Variants in PDGFD observed in about 807,000 individuals in gnomAD.
PDGFD encodes platelet-derived growth factor D.
In PDGFD, 30 loss-of-function variants were observed where a neutral mutation model predicts 44.7. The ratio of observed to expected loss-of-function variants is 0.67; its 90% confidence interval spans 0.50 to 0.91. The LOEUF is 0.91. PDGFD is among the 40% of genes least tolerant of loss of function. The pLI, the probability that PDGFD is intolerant of heterozygous loss-of-function variation, is 0.00. For missense variants in PDGFD, 445 were observed against 457.8 expected, an observed-to-expected ratio of 0.97 and a Z score of 0.25; for synonymous variants, 173 against 168.4, an observed-to-expected ratio of 1.03 and a Z score of -0.21.
In PDGFD at chr11:104,082,048, T is replaced by C. The variant is rs1349559625; in HGVS notation, c.124+81756A>G. Reference sequence around the variant, plus strand: ...CCCAAAGTTTTGTTCTTTATAGAGGTGCCAGTTATTGCCAATTTCTTCCCA... The same window carrying C: ...CCCAAAGTTTTGTTCTTTATAGAGGCGCCAGTTATTGCCAATTTCTTCCCA... On this transcript the variant is annotated intron_variant, in intron 1 of 6. Coordinates refer to ENST00000393158, the MANE Select transcript of PDGFD (RefSeq NM_025208.5). Among the ~76,000 whole-genome samples, 4 of 150,322 alleles carry C rather than the reference T, an allele frequency of 2.7e-5. No homozygotes were observed. The Admixed American group carries it at 2.7e-4, about 10-fold the overall frequency.
chr11:104,113,430 G>A (rs1861589867), intron 1 of PDGFD, among the ~76,000 whole-genome samples: 2 of 152,056 alleles, frequency 1.3e-5, no homozygotes, highest in South Asian at 2.1e-4. Context: ...TAGGAGGGTG[G>A]ACAGTGAAAA....
intron 1 of PDGFD, among the ~76,000 whole-genome samples, chr11:104,127,857 C>G (rs1861861888): frequency 6.6e-6 from 1 of 152,152 alleles, no homozygotes; most frequent in African/African-American, 2.4e-5. Context: ...CTTCTCTTAG[C>G]TGACAGCACT....
rs529869102 is a variant in PDGFD, at chr11:103,907,331, C to T, written c.*2363G>A. ...ACTCTACTTATGAAAGTGTTTTGCC[C>T]TATAAGAACATATTCAATAAAAGGC... On this transcript the variant is annotated 3_prime_UTR_variant, in exon 7 of 7. Transcript: ENST00000393158. The T allele has an allele frequency of 1.3e-5, 2 of 152,226 alleles. No homozygotes were observed. Among genetic ancestry groups the T allele is most frequent in the East Asian group, 3.9e-4 (2 of 5,180 alleles). 9.4% of individuals were successfully genotyped at this position (152,226 alleles called of 1,614,324 possible).
chr11:104,032,069 G>C (rs913756671), intron 1 of PDGFD, among the ~76,000 whole-genome samples: 1 of 152,070 alleles, frequency 6.6e-6, no homozygotes, highest in Non-Finnish European at 1.5e-5. Flanking sequence ...GTGATGTGTT[G>C]ATAGGTGATG....
chr11:104,018,549 T>C (rs559734306), intron 1 of PDGFD, among the ~76,000 whole-genome samples: 1 of 152,334 alleles, frequency 6.6e-6, no homozygotes, highest in Non-Finnish European at 1.5e-5. Context: ...CTTGTTAGAT[T>C]GCTTCTGTAT....
At chr11:103,934,916 G>C (rs1242694394) in intron 5 of PDGFD, among the ~76,000 whole-genome samples, 1 of 152,072 alleles carries the variant, frequency 6.6e-6, no homozygotes, top group Non-Finnish European at 1.5e-5. Flanking sequence ...GCACCAGCAG[G>C]GCCTACAAGC....
chr11:104,042,890 T>G (rs965902058), intron 1 of PDGFD, among the ~76,000 whole-genome samples: 4 of 152,242 alleles, frequency 2.6e-5, no homozygotes, highest in African/African-American at 9.6e-5. Flanking sequence ...TCACATATTC[T>G]GCCTTTCAAA....
intron 1 of PDGFD, among the ~76,000 whole-genome samples, chr11:104,131,614 C>A (rs1726095291): frequency 6.6e-6 from 1 of 151,966 alleles, no homozygotes; most frequent in African/African-American, 2.4e-5. Flanking sequence ...AGTGTTCTCT[C>A]TTAAATCCGG....
At chr11:104,084,542 G>C (rs1861092730) in intron 1 of PDGFD, among the ~76,000 whole-genome samples, 1 of 151,048 alleles carries the variant, frequency 6.6e-6, no homozygotes, top group Non-Finnish European at 1.5e-5. Flanking sequence ...ATTTATGTGG[G>C]GCAACATTTC....
chr11:104,039,001 A>G (rs933812466), intron 1 of PDGFD: 36 of 167,096 alleles, frequency 2.2e-4, no homozygotes, highest in African/African-American at 8.2e-4. Context: ...GGCCTCATTC[A>G]GAATTATCCA....
At chr11:104,145,910 A>G (rs1277093670) in intron 1 of PDGFD, among the ~76,000 whole-genome samples, 1 of 152,194 alleles carries the variant, frequency 6.6e-6, no homozygotes, top group African/African-American at 2.4e-5. Context: ...CGCAAGGAGG[A>G]AAGAACATGT....
chr11:103,916,430 A>T (rs933064713), intron 6 of PDGFD, among the ~76,000 whole-genome samples: 1 of 152,256 alleles, frequency 6.6e-6, no homozygotes, highest in Non-Finnish European at 1.5e-5. Flanking sequence ...CTAAAAAGTC[A>T]GGAAACAACA....
At chr11:103,977,961 C>A (rs1004450871) in intron 3 of PDGFD, among the ~76,000 whole-genome samples, 3 of 151,986 alleles carry the variant, frequency 2.0e-5, no homozygotes, top group African/African-American at 7.2e-5. Context: ...TTAAAGAAGG[C>A]TGATATACTG....
intron 1 of PDGFD, among the ~76,000 whole-genome samples, chr11:104,003,246 G>A (rs565723192): frequency 6.6e-6 from 1 of 152,346 alleles, no homozygotes; most frequent in African/African-American, 2.4e-5. Context: ...CCTTGCAAGA[G>A]GCCTGCCCAG....
chr11:103,938,902 C>T (rs533385663), intron 5 of PDGFD, among the ~76,000 whole-genome samples: 19 of 152,092 alleles, frequency 1.2e-4, no homozygotes, highest in Non-Finnish European at 2.8e-4. Context: ...CTGTTCTGTT[C>T]CATTGGTTGA....
intron 3 of PDGFD, among the ~76,000 whole-genome samples, chr11:103,963,178 T>A (rs1394948667): frequency 6.6e-6 from 1 of 152,126 alleles, no homozygotes; most frequent in Non-Finnish European, 1.5e-5. Flanking sequence ...ATTTTCACAT[T>A]TTTTCCTTGG....
At chr11:104,042,235 T>C (rs1044030909) in intron 1 of PDGFD, among the ~76,000 whole-genome samples, 1 of 152,234 alleles carries the variant, frequency 6.6e-6, no homozygotes, top group African/African-American at 2.4e-5. Flanking sequence ...CCACAATTTT[T>C]ATCACTGGCA....
intron 1 of PDGFD, chr11:104,037,347 CCTTGAGACCTTTTCTCAGGTG>C: frequency 6.2e-7 from 1 of 1,614,118 alleles, no homozygotes. Flanking sequence ...TCAGCGGAAG[CCTTGAGACCTTTTCTCAGGTG>C]CTGATGGAGC....
chr11:103,938,123 C>A (rs879602051), intron 5 of PDGFD, among the ~76,000 whole-genome samples: 41 of 151,910 alleles, frequency 2.7e-4, no homozygotes, highest in Non-Finnish European at 5.4e-4. Context: ...CCTGAGGAAT[C>A]ACCACACTGA....
Sources: gnomAD v4.1 joint callset for allele counts (sites outside exome capture counted in the v4.1 genomes callset) on GRCh38, gnomAD v4.1.1 for gene constraint, MANE v1.5 for transcripts, NCBI Gene and HGNC (gene_info 2026-07-23, HGNC 2026-07-21) for gene names.